PPP1R14C: variants seen among roughly 807,000 people sequenced by gnomAD.
PPP1R14C encodes the protein protein phosphatase 1 regulatory subunit 14C.
Under a neutral mutation model 20.4 loss-of-function variants are expected in PPP1R14C, and 16 were observed. The ratio of observed to expected loss-of-function variants is 0.78; its 90% CI spans 0.53 to 1.19. The LOEUF is 1.19. Ranked by LOEUF, PPP1R14C falls within the 50% of genes most tolerant of loss-of-function variation. PPP1R14C has a pLI of 0.00. For missense variants in PPP1R14C, 211 were observed against 220.1 expected (o/e 0.96, Z 0.26); for synonymous variants, 91 against 91.0 (o/e 1.00, Z 0.00).
At chr6:150,194,256 T>C (rs1334488254) in intron 1 of PPP1R14C, among the ~76,000 whole-genome samples, 2 of 152,218 alleles carry the variant, frequency 1.3e-5, no homozygotes, top group Non-Finnish European at 2.9e-5. Flanking sequence ...GGTTTTCTTA[T>C]TTTGTTTTTT....
chr6:150,206,491 C>A (rs558195196), intron 1 of PPP1R14C, among the ~76,000 whole-genome samples: 3 of 152,110 alleles, frequency 2.0e-5, no homozygotes, highest in African/African-American at 7.2e-5. Context: ...AATAATCTGA[C>A]GTAACCCGTG....
chr6:150,202,943 C>T (rs773656060), intron 1 of PPP1R14C, among the ~76,000 whole-genome samples: 24 of 152,334 alleles, frequency 1.6e-4, no homozygotes, highest in Non-Finnish European at 2.6e-4. Flanking sequence ...CTTTCTTTCT[C>T]CTCCCTCCAG....
At chr6:150,204,001 C>A (rs1331071976) in intron 1 of PPP1R14C, among the ~76,000 whole-genome samples, 2 of 152,226 alleles carry the variant, frequency 1.3e-5, no homozygotes, top group Non-Finnish European at 2.9e-5. Flanking sequence ...CAGTGCCAAG[C>A]CTGTAGCTTC....
At position 150,174,006 on chromosome 6, in the gene PPP1R14C, A is replaced by G. The variant is rs889638122; in HGVS notation, c.306+30508A>G. ...GCTGAAATCAATTTGCTTATTTGGC[A>G]CCTCTCCCTCCCCCCCACCCCCGAG... On this transcript the variant is annotated intron_variant, in intron 1 of 3. Coordinates refer to ENST00000361131, the MANE Select transcript of PPP1R14C (RefSeq NM_030949.3). 6.3e-5 allele frequency among the ~76,000 whole-genome samples: 9 copies of G among 143,350 alleles called. No individual in the cohort carries two copies. In the South Asian group the frequency reaches 2.2e-3, roughly 35 times the overall value. 94.0% of individuals were successfully genotyped at this position (143,350 alleles called of 152,430 possible).
intron 1 of PPP1R14C, among the ~76,000 whole-genome samples, chr6:150,181,743 T>A (rs1033203150): frequency 6.6e-6 from 1 of 152,220 alleles, no homozygotes; most frequent in East Asian, 1.9e-4. Flanking sequence ...TTGCTTTGAG[T>A]GTGTGTGAGC....
chr6:150,145,562 CTT>C (rs1481184330), intron 1 of PPP1R14C, among the ~76,000 whole-genome samples: 3 of 152,184 alleles, frequency 2.0e-5, no homozygotes, highest in Non-Finnish European at 4.4e-5. Context: ...AGGCTTGTCT[CTT>C]TGCATCTATT....
At chr6:150,205,189 A>G (rs11753008) in intron 1 of PPP1R14C, among the ~76,000 whole-genome samples, 17 of 152,098 alleles carry the variant, frequency 1.1e-4, no homozygotes, top group Admixed American at 2.0e-4. Flanking sequence ...GGGTGGGTTC[A>G]GGACCTAGAA....
chr6:150,175,682 A>T (rs6918104), intron 1 of PPP1R14C, among the ~76,000 whole-genome samples: 6 of 151,886 alleles, frequency 4.0e-5, no homozygotes, highest in Non-Finnish European at 7.4e-5. Flanking sequence ...GCTTTGTATG[A>T]TTTCCCTAGT....
chr6:150,151,689 T>G (rs1225161629), intron 1 of PPP1R14C, among the ~76,000 whole-genome samples: 2 of 152,170 alleles, frequency 1.3e-5, no homozygotes, highest in Non-Finnish European at 2.9e-5. Flanking sequence ...AAGGAGATGG[T>G]GTTATCTTCA....
intron 1 of PPP1R14C, chr6:150,196,136 A>G (rs1777801926): frequency 1.0e-6 from 1 of 984,866 alleles, no homozygotes. Flanking sequence ...AAGTCATTGC[A>G]ATACACTGTT....
Position 150,250,261 on chromosome 6 carries a change from G to T in PPP1R14C, c.*1441G>T, listed in dbSNP as rs758895211. 1.3e-5 allele frequency: 2 copies of T among 152,576 alleles called. No homozygotes were observed. The highest frequency in any genetic ancestry group is 6.5e-5 in the Admixed American group (1 of 15,268). The allele number at this position is 152,576 out of a possible 1,614,324, so 9.5% of individuals were successfully genotyped here. ...AAAAAACTATGTTTGTGAATTTTGC[G>T]TATACTGGCAAGCTTTTGAAAATGT... On this transcript the variant is annotated 3_prime_UTR_variant, in exon 4 of 4. Transcript: ENST00000361131.
chr6:150,196,469 A>G (rs973478625), intron 1 of PPP1R14C, among the ~76,000 whole-genome samples: 2 of 149,738 alleles, frequency 1.3e-5, no homozygotes, highest in African/African-American at 4.9e-5. Flanking sequence ...TTTTTTTTGA[A>G]TCTCTAAGGT....
rs556884640 is a variant in PPP1R14C, at chr6:150,173,814, T to C, written c.306+30316T>C. Among the ~76,000 whole-genome samples the C allele has an allele frequency of 1.4e-3, 218 of 152,200 alleles. 1 individual carries two copies. The highest frequency in any genetic ancestry group is 4.5e-3 in the African/African-American group (188 of 41,534). Reference sequence around the variant, plus strand: ...ACATGGGAGCCCAAGACTGCAGACCTGAGGCTCCTAAGCACCCCAATCTCT... The same window carrying C: ...ACATGGGAGCCCAAGACTGCAGACCCGAGGCTCCTAAGCACCCCAATCTCT... On this transcript the variant is annotated intron_variant, in intron 1 of 3. Transcript: ENST00000361131.
chr6:150,187,363 T>A (rs973361688), intron 1 of PPP1R14C, among the ~76,000 whole-genome samples: 1 of 151,930 alleles, frequency 6.6e-6, no homozygotes, highest in African/African-American at 2.4e-5. Flanking sequence ...TAAATTTTTG[T>A]TATGGGAGTT....
At chr6:150,168,010 C>CT (rs1777449490) in intron 1 of PPP1R14C, among the ~76,000 whole-genome samples, 1 of 100,778 alleles carries the variant, frequency 9.9e-6, no homozygotes, top group Non-Finnish European at 2.0e-5. Flanking sequence ...CCCTTGCTTT[C>CT]CTCCCACCCT....
rs772771016 is a variant in PPP1R14C at position 150,248,845 on chromosome 6, C to T, written c.*25C>T. 1.3e-6 allele frequency: 2 copies of T among 1,533,438 alleles called. No homozygotes were observed. The highest frequency in any genetic ancestry group is 1.8e-6 in the Non-Finnish European group (2 of 1,109,906). 95.0% of individuals were successfully genotyped at this position (1,533,438 alleles called of 1,614,324 possible). ...ATTCTGGAACAGGGTGAAACTCTCC[C>T]AGAGACGAAGAAAGAGTCCTGGGAT... On this transcript the variant is annotated 3_prime_UTR_variant, in exon 4 of 4. Transcript: ENST00000361131.
chr6:150,171,965 C>T (rs1024103559), intron 1 of PPP1R14C, among the ~76,000 whole-genome samples: 3 of 152,024 alleles, frequency 2.0e-5, no homozygotes, highest in African/African-American at 7.2e-5. Flanking sequence ...GCCACCATGC[C>T]CTGCTCTTTT....
intron 1 of PPP1R14C, among the ~76,000 whole-genome samples, chr6:150,209,823 G>A (rs1188379898): frequency 6.8e-6 from 1 of 146,612 alleles, no homozygotes; most frequent in Non-Finnish European, 1.5e-5. Flanking sequence ...TCATGTGTGT[G>A]TATGTTTGTG....
In PPP1R14C at chr6:150,185,972, A is replaced by G. The variant is rs1001197555; in HGVS notation, c.307-28772A>G. Among the ~76,000 whole-genome samples, 1 of 152,140 alleles carries G rather than the reference A, an allele frequency of 6.6e-6. No homozygotes were observed. The highest frequency in any genetic ancestry group is 2.4e-5 in the African/African-American group (1 of 41,448). On this transcript the variant is annotated intron_variant, in intron 1 of 3. Transcript: ENST00000361131. The surrounding 1 kb of genome is among the most constrained non-coding windows in gnomAD (Gnocchi z 4.1). ...CTTCACATCAGAGTTCACTGGGCAA[A>G]GCAAGTCCCTTAGTCACACCCAACT...
Sources: gnomAD v4.1 joint callset for allele counts (sites outside exome capture counted in the v4.1 genomes callset) on GRCh38, gnomAD v4.1.1 for gene constraint, Gnocchi (gnomAD v3.1) non-coding constraint, MANE v1.5 for transcripts, NCBI Gene and HGNC (gene_info 2026-07-23, HGNC 2026-07-21) for gene names.